The following PCDH11Y variants were observed in gnomAD, a reference collection of about 807,000 sequenced individuals.
PCDH11Y encodes protocadherin-11 Y-linked.
For synonymous variants in PCDH11Y, 9 were observed against 83.6 expected, an observed-to-expected ratio of 0.11 and a Z score of 4.87; for missense variants, 12 against 224.8, an observed-to-expected ratio of 0.05 and a Z score of 6.05.
At chrY:5,359,324 C>G in intron 2 of PCDH11Y, among the ~76,000 whole-genome samples, 1 of 32,839 alleles carries the variant, frequency 3.0e-5, no homozygotes, top group Non-Finnish European at 7.4e-5. Context: ...TATAGGGTCA[C>G]TTCCTGATGT....
At chrY:5,136,571 T>TA (rs2052841077) in intron 2 of PCDH11Y, among the ~76,000 whole-genome samples, 1 of 32,168 alleles carries the variant, frequency 3.1e-5, no homozygotes, top group African/African-American at 1.2e-4. Context: ...TTAAAGAAAT[T>TA]AAAAAACAAT....
At chrY:5,356,650 G>A (rs2053166171) in intron 2 of PCDH11Y, among the ~76,000 whole-genome samples, 1 of 29,812 alleles carries the variant, frequency 3.4e-5, no homozygotes, top group East Asian at 8.7e-4. Flanking sequence ...GCCGAGGTGG[G>A]AGGATCACCT....
intron 3 of PCDH11Y, among the ~76,000 whole-genome samples, chrY:5,038,023 A>G (rs2052602121): frequency 3.0e-5 from 1 of 32,818 alleles, no homozygotes; most frequent in Non-Finnish European, 7.5e-5. Context: ...TTAAGACTGT[A>G]TCCAGCACTG....
chrY:5,359,680 G>A, intron 2 of PCDH11Y, among the ~76,000 whole-genome samples: 1 of 31,500 alleles, frequency 3.2e-5, no homozygotes, highest in Non-Finnish European at 7.7e-5. Flanking sequence ...ATAAAAATAA[G>A]GTCCTAGAGA....
At chrY:5,487,568 C>G in intron 2 of PCDH11Y, among the ~76,000 whole-genome samples, 1 of 33,460 alleles carries the variant, frequency 3.0e-5, no homozygotes, top group African/African-American at 1.2e-4. Context: ...TGTGCTTAGA[C>G]TTTTGAAAAG....
intron 4 of PCDH11Y, among the ~76,000 whole-genome samples, chrY:5,715,310 C>T: frequency 3.0e-5 from 1 of 33,606 alleles, no homozygotes; most frequent in African/African-American, 1.2e-4. Flanking sequence ...CTCATATTCT[C>T]CTGGGACCAA....
intron 1 of PCDH11Y, among the ~76,000 whole-genome samples, chrY:5,082,558 A>G: frequency 3.0e-5 from 1 of 32,941 alleles, no homozygotes; most frequent in Non-Finnish European, 7.4e-5. Flanking sequence ...CTTCAATTTC[A>G]TAACTCATTA....
chrY:5,432,905 G>A (rs2053270189), intron 2 of PCDH11Y, among the ~76,000 whole-genome samples: 1 of 33,047 alleles, frequency 3.0e-5, no homozygotes, highest in African/African-American at 1.2e-4. Context: ...ACCATCCAAG[G>A]TAAAGGCAAA....
chrY:5,281,001 T>C (rs2053053251), intron 2 of PCDH11Y, among the ~76,000 whole-genome samples: 1 of 33,274 alleles, frequency 3.0e-5, no homozygotes, highest in African/African-American at 1.2e-4. Context: ...ATACATGCTG[T>C]ATATTACACC....
At chrY:5,277,879 A>T in intron 2 of PCDH11Y, among the ~76,000 whole-genome samples, 1 of 32,214 alleles carries the variant, frequency 3.1e-5, no homozygotes, top group South Asian at 7.1e-4. Flanking sequence ...AGACAGCAGC[A>T]TGATAATAAA....
intron 2 of PCDH11Y, among the ~76,000 whole-genome samples, chrY:5,361,620 A>G: frequency 3.8e-5 from 1 of 26,056 alleles, no homozygotes; most frequent in African/African-American, 1.5e-4. Flanking sequence ...TGCAGTGGCT[A>G]TTCAAAGGAC....
chrY:5,146,632 T>C, intron 2 of PCDH11Y, among the ~76,000 whole-genome samples: 1 of 31,371 alleles, frequency 3.2e-5, no homozygotes, highest in African/African-American at 1.3e-4. Flanking sequence ...TTAGGCATAA[T>C]TATGACCTCA....
chrY:5,108,224 A>G, downstream of PCDH11Y, among the ~76,000 whole-genome samples: 1 of 32,566 alleles, frequency 3.1e-5, no homozygotes, highest in African/African-American at 1.2e-4. Context: ...ATCAAAATCT[A>G]TAGTGCATAA....
At chrY:5,292,404 T>A (rs2053068898) in intron 2 of PCDH11Y, among the ~76,000 whole-genome samples, 1 of 33,359 alleles carries the variant, frequency 3.0e-5, no homozygotes, top group South Asian at 6.6e-4. Flanking sequence ...CTGGGAGACT[T>A]TTTCTTTAGA....
At chrY:5,454,034 C>T in intron 2 of PCDH11Y, among the ~76,000 whole-genome samples, 1 of 32,896 alleles carries the variant, frequency 3.0e-5, no homozygotes, top group Admixed American at 2.8e-4. Context: ...GCATTAATTC[C>T]GAAGTCCAAA....
At chrY:5,046,787 G>C in intron 3 of PCDH11Y, among the ~76,000 whole-genome samples, 5 of 33,469 alleles carry the variant, frequency 1.5e-4, no homozygotes, top group Admixed American at 1.3e-3. Context: ...AGGACCCTCC[G>C]AGCCAGGTGT....
intron 3 of PCDH11Y, chrY:5,037,304 G>C: frequency 1.7e-5 from 2 of 116,700 alleles, no homozygotes; most frequent in Non-Finnish European, 3.7e-5. Flanking sequence ...TATGGGAAAG[G>C]TAAAAAAGTA....
chrY:5,302,837 C>T, intron 2 of PCDH11Y, among the ~76,000 whole-genome samples: 4 of 31,761 alleles, frequency 1.3e-4, no homozygotes, highest in African/African-American at 2.4e-4. Flanking sequence ...GCTCATGTTG[C>T]AAAATATTTA....
chrY:5,264,394 C>T, intron 2 of PCDH11Y, among the ~76,000 whole-genome samples: 1 of 33,364 alleles, frequency 3.0e-5, no homozygotes, highest in Non-Finnish European at 7.5e-5. Flanking sequence ...CTGGGTGTCA[C>T]CTGAAGCCAG....
Sources: allele counts gnomAD v4.1 joint callset (sites outside exome capture counted in the v4.1 genomes callset), GRCh38; gene constraint gnomAD v4.1.1; transcripts MANE v1.5; gene names NCBI Gene and HGNC (gene_info 2026-07-23, HGNC 2026-07-21).